ARHGAP15: variants seen among roughly 807,000 people sequenced by gnomAD.
ARHGAP15 encodes the protein rho GTPase-activating protein 15.
ARHGAP15 carries 51 observed loss-of-function variants against 63.7 expected under a neutral mutation model. The observed-to-expected ratio is 0.80, with a 90% confidence interval of 0.64 to 1.01. ARHGAP15 has a LOEUF of 1.01. Among genes scored for constraint, ARHGAP15 ranks in the 50% least tolerant of loss-of-function variants. The probability of loss-of-function intolerance (pLI) is 0.00; values close to 1 mark genes in which losing one functional copy is unlikely to be tolerated. For synonymous variants in ARHGAP15, 191 were observed against 193.8 expected, an observed-to-expected ratio of 0.99 and a Z score of 0.12; for missense variants, 560 against 564.6, an observed-to-expected ratio of 0.99 and a Z score of 0.08.
chr2:143,699,479 T>C (rs1683989934), intron 12 of ARHGAP15, among the ~76,000 whole-genome samples: 1 of 152,242 alleles, frequency 6.6e-6, no homozygotes, highest in Non-Finnish European at 1.5e-5. Context: ...AAAATATTTC[T>C]ATAAAATATT....
intron 13 of ARHGAP15, among the ~76,000 whole-genome samples, chr2:143,723,052 G>C (rs959775879): frequency 6.6e-5 from 10 of 152,142 alleles, no homozygotes; most frequent in Non-Finnish European, 1.0e-4. Flanking sequence ...AATTTTTGCT[G>C]TATCTTTTCT....
intron 6 of ARHGAP15, among the ~76,000 whole-genome samples, chr2:143,294,048 A>G (rs1031142859): frequency 6.6e-6 from 1 of 152,094 alleles, no homozygotes; most frequent in African/African-American, 2.4e-5. Flanking sequence ...GGTATTTGTC[A>G]TAATGATAAA....
At chr2:143,297,849 G>GA (rs1469247693) in intron 6 of ARHGAP15, among the ~76,000 whole-genome samples, 4 of 151,852 alleles carry the variant, frequency 2.6e-5, no homozygotes, top group Non-Finnish European at 2.9e-5. Context: ...AAATAATACA[G>GA]AAAAAAGAAA....
chr2:143,183,442 C>A (rs796290381), intron 2 of ARHGAP15, among the ~76,000 whole-genome samples: 38 of 152,212 alleles, frequency 2.5e-4, no homozygotes, highest in African/African-American at 9.1e-4. Context: ...GTGGGAACAA[C>A]AATCAATCAG....
At chr2:143,241,405 T>A (rs1693855292) in intron 5 of ARHGAP15, among the ~76,000 whole-genome samples, 1 of 152,222 alleles carries the variant, frequency 6.6e-6, no homozygotes, top group Non-Finnish European at 1.5e-5. Context: ...ATTGATGCAA[T>A]GTGCCTCACA....
chr2:143,508,191 G>A (rs1003999979), intron 9 of ARHGAP15, among the ~76,000 whole-genome samples: 7 of 152,048 alleles, frequency 4.6e-5, no homozygotes, highest in South Asian at 2.1e-4. Context: ...CACCACTCCA[G>A]CCACTCAGGC....
Position 143,461,376 on chromosome 2 carries a change from C to T in ARHGAP15, c.703+24334C>T, listed in dbSNP as rs142105775. Among the ~76,000 whole-genome samples, 600 of 148,868 alleles carry T rather than the reference C, an allele frequency of 4.0e-3. 2 individuals are homozygous for T. Among genetic ancestry groups the T allele is most frequent in the Admixed American group, 8.9e-3 (133 of 14,898 alleles). On this transcript the variant is annotated intron_variant, in intron 8 of 13. Coordinates refer to ENST00000295095, the MANE Select transcript of ARHGAP15 (RefSeq NM_018460.4). The stretch of plus-strand genomic sequence containing the variant: ...TTTTGATGTGGCGTATTCTATTAGA[C>T]TACTCTTATACGTTGAACACAACTG...
At chr2:143,367,862 T>A (rs1398503848) in intron 6 of ARHGAP15, among the ~76,000 whole-genome samples, 1 of 152,038 alleles carries the variant, frequency 6.6e-6, no homozygotes, top group East Asian at 1.9e-4. Flanking sequence ...TTTACAGCCA[T>A]ACTATAGGGC....
At chr2:143,668,754 AT>A (rs1258503183) in intron 12 of ARHGAP15, among the ~76,000 whole-genome samples, 1 of 152,202 alleles carries the variant, frequency 6.6e-6, no homozygotes, top group Non-Finnish European at 1.5e-5. Flanking sequence ...TTGATGAGTA[AT>A]TTCAGCTTTC....
chr2:143,331,189 C>T (rs550115456), intron 6 of ARHGAP15, among the ~76,000 whole-genome samples: 6 of 152,202 alleles, frequency 3.9e-5, no homozygotes, highest in Admixed American at 1.3e-4. Context: ...TATTTTTCCC[C>T]CTGGGAACTA....
intron 6 of ARHGAP15, among the ~76,000 whole-genome samples, chr2:143,330,716 T>C (rs1328907258): frequency 1.3e-5 from 2 of 152,222 alleles, no homozygotes; most frequent in African/African-American, 2.4e-5. Flanking sequence ...CAGTGATATA[T>C]TGGAAAACTC....
At chr2:143,705,078 T>A (rs1044553319) in intron 13 of ARHGAP15, among the ~76,000 whole-genome samples, 1 of 152,198 alleles carries the variant, frequency 6.6e-6, no homozygotes, top group Admixed American at 6.5e-5. Context: ...TTGTAACTCA[T>A]ATACAGACTT....
intron 12 of ARHGAP15, among the ~76,000 whole-genome samples, chr2:143,674,421 G>A (rs1682723607): frequency 1.3e-5 from 2 of 152,142 alleles, no homozygotes; most frequent in African/African-American, 2.4e-5. Context: ...TCAAGAATAA[G>A]TGAAATTAAT....
intron 10 of ARHGAP15, among the ~76,000 whole-genome samples, chr2:143,535,312 C>A (rs1004688260): frequency 6.6e-6 from 1 of 152,170 alleles, no homozygotes; most frequent in Admixed American, 6.5e-5. Context: ...TTTTCTCTCC[C>A]ACATCCTACA....
intron 12 of ARHGAP15, among the ~76,000 whole-genome samples, chr2:143,629,165 T>C (rs1456550418): frequency 3.0e-5 from 4 of 135,580 alleles, no homozygotes; most frequent in Non-Finnish European, 6.4e-5. Flanking sequence ...ATTTACTTTT[T>C]AAAATAACTT....
At chr2:143,294,264 T>C (rs1475935994) in intron 6 of ARHGAP15, among the ~76,000 whole-genome samples, 1 of 152,020 alleles carries the variant, frequency 6.6e-6, no homozygotes, top group Admixed American at 6.6e-5. Context: ...AACAAGAAAA[T>C]ATTGCCACAT....
chr2:143,419,775 A>T (rs992738513), intron 6 of ARHGAP15, among the ~76,000 whole-genome samples: 1 of 152,104 alleles, frequency 6.6e-6, no homozygotes, highest in Non-Finnish European at 1.5e-5. Flanking sequence ...TAGTTTTTAT[A>T]CATTTCTGGT....
At chr2:143,382,858 ACT>A (rs1367294479) in intron 6 of ARHGAP15, among the ~76,000 whole-genome samples, 1 of 152,042 alleles carries the variant, frequency 6.6e-6, no homozygotes, top group Non-Finnish European at 1.5e-5. Flanking sequence ...CAGACACAAA[ACT>A]CTCATAAAAA....
chr2:143,204,517 T>A (rs1307872547), intron 3 of ARHGAP15, among the ~76,000 whole-genome samples: 2 of 152,106 alleles, frequency 1.3e-5, no homozygotes, highest in Admixed American at 6.6e-5. Context: ...ATCCTATTCA[T>A]GAGAGCTCCA....
Sources: gnomAD v4.1 joint callset for allele counts (sites outside exome capture counted in the v4.1 genomes callset) on GRCh38, gnomAD v4.1.1 for gene constraint, MANE v1.5 for transcripts, NCBI Gene and HGNC (gene_info 2026-07-23, HGNC 2026-07-21) for gene names.